The following GPR89B variants were observed in gnomAD, a reference collection of about 807,000 sequenced individuals.
GPR89B encodes golgi pH regulator B, also known as G protein-coupled receptor 89B.
GPR89B carries 25 observed loss-of-function variants against 52.4 expected under a neutral mutation model. The ratio of observed to expected loss-of-function variants is 0.48; its 90% CI spans 0.35 to 0.67. GPR89B has a LOEUF of 0.67. Among genes scored for constraint, GPR89B ranks in the 30% least tolerant of loss-of-function variants. The pLI is 0.01. For missense variants in GPR89B, 146 were observed against 450.2 expected (o/e 0.32, Z 6.11); for synonymous variants, 52 against 151.2 (o/e 0.34, Z 4.81).
intron 7 of GPR89B, among the ~76,000 whole-genome samples, chr1:147,956,330 A>G (rs1240679182): frequency 6.1e-4 from 93 of 152,262 alleles, no homozygotes; most frequent in Non-Finnish European, 5.9e-5. Context: ...AGATAGTATG[A>G]TGCCTCCAGC....
At chr1:147,973,367 A>G (rs1657613587) in intron 10 of GPR89B, among the ~76,000 whole-genome samples, 1 of 151,860 alleles carries the variant, frequency 6.6e-6, no homozygotes, top group Non-Finnish European at 1.5e-5. Context: ...CTGGTGTGAG[A>G]TGGTAGCTCA....
intron 7 of GPR89B, among the ~76,000 whole-genome samples, chr1:147,959,034 G>A (rs1656341860): frequency 1.3e-5 from 2 of 152,242 alleles, no homozygotes; most frequent in Admixed American, 1.3e-4. Context: ...TAATAAAAAA[G>A]AAAAACTGTT....
chr1:147,972,089 T>C (rs1163675740), intron 10 of GPR89B, among the ~76,000 whole-genome samples: 7 of 151,588 alleles, frequency 4.6e-5, no homozygotes, highest in Non-Finnish European at 8.8e-5. Context: ...ATCCTTTTTC[T>C]GTCTGGCTTA....
intron 5 of GPR89B, among the ~76,000 whole-genome samples, chr1:147,951,134 C>T (rs1298952925): frequency 6.6e-6 from 1 of 151,646 alleles, no homozygotes; most frequent in East Asian, 1.9e-4. Flanking sequence ...AGCTAGACTG[C>T]ACTTGAATCC....
chr1:147,958,634 G>T (rs1205632684), intron 7 of GPR89B, among the ~76,000 whole-genome samples: 2 of 145,546 alleles, frequency 1.4e-5, no homozygotes, highest in South Asian at 2.2e-4. Flanking sequence ...ACGAGACTCT[G>T]TCTCAAAAAA....
chr1:148,002,038 C>CT, the GPR89B span, among the ~76,000 whole-genome samples: 26,329 of 129,938 alleles, frequency 0.2, 2,705 homozygotes, highest in East Asian at 0.36. Flanking sequence ...CCAGATGCTG[C>CT]TTTTTTTTTT....
the GPR89B span, among the ~76,000 whole-genome samples, chr1:148,017,345 A>G: frequency 2.0e-5 from 3 of 151,636 alleles, no homozygotes; most frequent in Admixed American, 6.6e-5. Flanking sequence ...CCCGGCCTAT[A>G]CACAAACTTT....
intron 8 of GPR89B, chr1:147,967,827 G>A (rs1341181020): frequency 6.4e-6 from 1 of 156,004 alleles, no homozygotes; most frequent in East Asian, 1.9e-4. Context: ...TGAGTGCTAA[G>A]AAATAAAATG....
chr1:147,969,590 A>T (rs1190473789), intron 9 of GPR89B: 1 of 312,594 alleles, frequency 3.2e-6, no homozygotes, highest in Non-Finnish European at 6.0e-6. Flanking sequence ...TCAAAGCCTC[A>T]ATTTTCTCAT....
chr1:148,013,275 G>C, the GPR89B span, among the ~76,000 whole-genome samples: 14 of 152,208 alleles, frequency 9.2e-5, 1 homozygote, highest in African/African-American at 3.4e-4. Flanking sequence ...CCGCTGGATA[G>C]CACGGCGGAG....
At chr1:147,932,152 A>G (rs1431955696) in intron 1 of GPR89B, among the ~76,000 whole-genome samples, 1 of 151,830 alleles carries the variant, frequency 6.6e-6, no homozygotes, top group Non-Finnish European at 1.5e-5. Flanking sequence ...CTCTGTCTTC[A>G]GTCGTGGCTT....
intron 7 of GPR89B, among the ~76,000 whole-genome samples, chr1:147,956,757 A>G (rs1656144994): frequency 6.7e-6 from 1 of 149,584 alleles, no homozygotes; most frequent in Admixed American, 6.6e-5. Context: ...TTTTTTTTTA[A>G]GACGGAGTCT....
the GPR89B span, among the ~76,000 whole-genome samples, chr1:148,021,299 G>A: frequency 1.3e-5 from 2 of 151,502 alleles, no homozygotes; most frequent in Non-Finnish European, 2.9e-5. Context: ...TCAGGAGATC[G>A]AGACCATCCT....
chr1:147,928,780 C>G (rs1238750143), intron 1 of GPR89B: 1 of 477,964 alleles, frequency 2.1e-6, no homozygotes, highest in Non-Finnish European at 2.7e-6. Context: ...GGCCTGCGGC[C>G]GTCCGCGTCC....
Position 147,943,555 on chromosome 1 carries a change from T to C in GPR89B, c.313+11T>C, listed in dbSNP as rs782240806. The C allele has an allele frequency of 6.2e-6, 10 of 1,613,342 alleles. No individual in the cohort carries two copies. Among genetic ancestry groups the C allele is most frequent in the Non-Finnish European group, 8.5e-6 (10 of 1,179,430 alleles). ...GCAATATCCGACTACGTAAGTATTT[T>C]ACCCTCTCAGTCAGCGTATAGATTG... On this transcript the variant is annotated intron_variant, in intron 4 of 13. Transcript: ENST00000314163.
chr1:147,980,863 T>C (rs1658196371), intron 10 of GPR89B, among the ~76,000 whole-genome samples: 1 of 145,078 alleles, frequency 6.9e-6, no homozygotes, highest in Admixed American at 6.8e-5. Context: ...CCATACTCAT[T>C]AGTAGTCATT....
At chr1:147,958,941 C>T (rs1326015389) in intron 7 of GPR89B, among the ~76,000 whole-genome samples, 3 of 152,156 alleles carry the variant, frequency 2.0e-5, no homozygotes, top group Non-Finnish European at 2.9e-5. Context: ...CCTTGGGATT[C>T]ATATAATGCC....
At chr1:147,930,670 A>G (rs587624823) in intron 1 of GPR89B, among the ~76,000 whole-genome samples, 62 of 152,236 alleles carry the variant, frequency 4.1e-4, no homozygotes, top group Non-Finnish European at 7.8e-4. Context: ...TTGAAATGAA[A>G]TCTGAAATCA....
intron 1 of GPR89B, chr1:147,929,112 T>G (rs1653306087): frequency 1.7e-6 from 1 of 584,180 alleles, no homozygotes; most frequent in South Asian, 7.5e-5. Flanking sequence ...AAGGTTTCGT[T>G]TTTGCACTGA....
Sources: gnomAD v4.1 joint callset for allele counts (sites outside exome capture counted in the v4.1 genomes callset) on GRCh38, gnomAD v4.1.1 for gene constraint, MANE v1.5 for transcripts, NCBI Gene and HGNC (gene_info 2026-07-23, HGNC 2026-07-21) for gene names.